Variants in LIN52 observed in about 807,000 individuals in gnomAD.
LIN52 encodes lin-52 DREAM MuvB core complex component.
LIN52 carries 4 observed loss-of-function variants against 18.5 expected under a neutral mutation model. That is an observed-to-expected ratio of 0.22 (90% CI 0.11 to 0.49). The LOEUF (loss-of-function observed/expected upper bound fraction) is 0.49. LIN52 is among the 20% of genes least tolerant of loss of function. The pLI, the probability that LIN52 is intolerant of heterozygous loss-of-function variation, is 0.97. For missense variants in LIN52, 102 were observed against 139.5 expected (o/e 0.73, Z 1.35); for synonymous variants, 34 against 45.5 (o/e 0.75, Z 1.02).
At chr14:74,107,720 G>A (rs1222079842) in intron 5 of LIN52, among the ~76,000 whole-genome samples, 1 of 152,110 alleles carries the variant, frequency 6.6e-6, no homozygotes, top group Non-Finnish European at 1.5e-5. Context: ...TAGTAGTCAT[G>A]CAAATGACCT....
At chr14:74,096,028 G>C in intron 3 of LIN52, 43 bp downstream of exon 3, 1 of 1,346,520 alleles carries the variant, frequency 7.4e-7, no homozygotes, top group Non-Finnish European at 1.0e-6. Context: ...CCAAAGTTTC[G>C]CTCCTGAGTA....
At chr14:74,147,117 G>T (rs541410979) in intron 5 of LIN52, among the ~76,000 whole-genome samples, 1 of 152,054 alleles carries the variant, frequency 6.6e-6, no homozygotes, top group Non-Finnish European at 1.5e-5. Context: ...AATTAGCTGG[G>T]CATGACAACG....
intron 5 of LIN52, among the ~76,000 whole-genome samples, chr14:74,183,502 A>G (rs1219101628): frequency 6.6e-6 from 1 of 152,126 alleles, no homozygotes; most frequent in Non-Finnish European, 1.5e-5. Flanking sequence ...GTACTCATTC[A>G]TGTTGCTTCT....
In LIN52 at chr14:74,189,328, T is replaced by G. The variant is rs184892675; in HGVS notation, c.284-9594T>G. 1.3e-3 allele frequency among the ~76,000 whole-genome samples: 196 copies of G among 152,296 alleles called. 2 individuals carry two copies. Among genetic ancestry groups the G allele is most frequent in the African/African-American group, 4.4e-3 (181 of 41,560 alleles). ...TGAATGTTCTGCACAAATTTATGAG[T>G]ATTTAATAAAAGTTCTAGCCCCCAG... On this transcript the variant is annotated intron_variant, in intron 5 of 5. Coordinates refer to ENST00000555028, the MANE Select transcript of LIN52 (RefSeq NM_001024674.3).
chr14:74,165,589 A>G (rs11846128), intron 5 of LIN52, among the ~76,000 whole-genome samples: 25,319 of 144,392 alleles, frequency 0.18, 2,619 homozygotes, highest in East Asian at 0.58. Flanking sequence ...GCTCCCTGCA[A>G]CCTCCATCTC....
intron 5 of LIN52, among the ~76,000 whole-genome samples, chr14:74,125,426 G>A (rs2061023630): frequency 6.6e-6 from 1 of 152,262 alleles, no homozygotes; most frequent in South Asian, 2.1e-4. Context: ...TTTGAGAAGT[G>A]TCTGTTCATA....
chr14:74,129,352 A>G (rs1427687660), intron 5 of LIN52, among the ~76,000 whole-genome samples: 1 of 152,190 alleles, frequency 6.6e-6, no homozygotes, highest in African/African-American at 2.4e-5. Context: ...GCGCAGGTGA[A>G]TCAAATATAA....
intron 5 of LIN52, among the ~76,000 whole-genome samples, chr14:74,146,808 C>T (rs1388381533): frequency 1.3e-5 from 2 of 152,080 alleles, no homozygotes; most frequent in East Asian, 1.9e-4. Flanking sequence ...TAAGACAGTG[C>T]AGTAGTGGCA....
chr14:74,194,186 C>T (rs765199600), intron 5 of LIN52, among the ~76,000 whole-genome samples: 29 of 152,188 alleles, frequency 1.9e-4, no homozygotes, highest in Non-Finnish European at 3.4e-4. Context: ...CACCCAATCT[C>T]GTTAACCAGG....
intron 5 of LIN52, among the ~76,000 whole-genome samples, chr14:74,198,359 AG>A: frequency 6.6e-6 from 1 of 152,368 alleles, no homozygotes; most frequent in Non-Finnish European, 1.5e-5. Flanking sequence ...GACAATGCCA[AG>A]GGAGAGAAGA....
chr14:74,112,457 T>C (rs2060935566), intron 5 of LIN52, among the ~76,000 whole-genome samples: 1 of 152,128 alleles, frequency 6.6e-6, no homozygotes. Flanking sequence ...GTTAATTCAA[T>C]AGTTTTTATA....
chr14:74,103,781 T>C (rs2060878583), intron 5 of LIN52, among the ~76,000 whole-genome samples: 1 of 140,430 alleles, frequency 7.1e-6, no homozygotes, highest in Non-Finnish European at 1.5e-5. Context: ...AGAGACTGGG[T>C]TTTTCTATGT....
At chr14:74,195,775 T>G (rs10147388) in intron 5 of LIN52, among the ~76,000 whole-genome samples, 124,337 of 152,178 alleles carry the variant, frequency 0.82, 50,969 homozygotes, top group Admixed American at 0.84. Flanking sequence ...TTGGGGGGGT[T>G]CGGTTAGCGG....
At chr14:74,100,382 A>C (rs1158092071) in intron 4 of LIN52, among the ~76,000 whole-genome samples, 2 of 152,124 alleles carry the variant, frequency 1.3e-5, no homozygotes, top group African/African-American at 4.8e-5. Flanking sequence ...ATCATGGCTC[A>C]CTACAGCCTT....
At chr14:74,111,760 T>G (rs2060930220) in intron 5 of LIN52, among the ~76,000 whole-genome samples, 1 of 152,106 alleles carries the variant, frequency 6.6e-6, no homozygotes, top group African/African-American at 2.4e-5. Flanking sequence ...AAAAATCATC[T>G]AGCCTTTAAC....
At chr14:74,144,560 T>C (rs2061146152) in intron 5 of LIN52, among the ~76,000 whole-genome samples, 1 of 152,176 alleles carries the variant, frequency 6.6e-6, no homozygotes. Flanking sequence ...CAAATTCTTA[T>C]TAAATATAAG....
intron 5 of LIN52, among the ~76,000 whole-genome samples, chr14:74,121,851 A>G (rs36076658): frequency 0.56 from 84,581 of 151,654 alleles, 24,753 homozygotes; most frequent in East Asian, 0.89. Context: ...AGCCTCCCGA[A>G]TAGCTGGGAT....
intron 5 of LIN52, among the ~76,000 whole-genome samples, chr14:74,142,360 A>G (rs1385769975): frequency 2.0e-5 from 3 of 152,128 alleles, no homozygotes; most frequent in Admixed American, 2.0e-4. Context: ...AGTCATTTGA[A>G]TTGATGCCCA....
intron 2 of LIN52, among the ~76,000 whole-genome samples, chr14:74,094,176 T>C (rs748224458): frequency 7.9e-5 from 12 of 152,212 alleles, no homozygotes; most frequent in Non-Finnish European, 1.3e-4. Flanking sequence ...CTTCATTCTT[T>C]TAAATATATT....
Sources: allele counts gnomAD v4.1 joint callset (sites outside exome capture counted in the v4.1 genomes callset), GRCh38; gene constraint gnomAD v4.1.1; transcripts MANE v1.5; gene names NCBI Gene and HGNC (gene_info 2026-07-23, HGNC 2026-07-21).